SKI: variants seen among roughly 807,000 people sequenced by gnomAD.
SKI encodes the protein ski oncogene.
Under a neutral mutation model 59.3 loss-of-function variants are expected in SKI, and 23 were observed. The ratio of observed to expected loss-of-function variants is 0.39; its 90% CI spans 0.28 to 0.55. The LOEUF is 0.55. Ranked by LOEUF, SKI falls within the 20% of genes least tolerant of loss-of-function variation. The pLI, the probability that SKI is intolerant of heterozygous loss-of-function variation, is 0.67. For missense variants in SKI, 1,017 were observed against 1,038.9 expected, an observed-to-expected ratio of 0.98 and a Z score of 0.29; for synonymous variants, 673 against 488.6, an observed-to-expected ratio of 1.38 and a Z score of -4.98.
intron 1 of SKI, among the ~76,000 whole-genome samples, chr1:2,260,539 T>TTC (rs1270862984): frequency 4.8e-5 from 6 of 124,634 alleles, no homozygotes; most frequent in African/African-American, 1.3e-4. Flanking sequence ...CTTTTTCTTT[T>TTC]TTTTTTTTTT....
chr1:2,308,234 G>A lies in SKI; in HGVS notation c.*1469G>A, dbSNP rs917106987. ...GCAGCTGCACGCGCTCACAGAAGGTGGAGGTTACTTGCCCAGGTACAGACG... is the reference window on the plus strand; with the variant it reads ...GCAGCTGCACGCGCTCACAGAAGGTAGAGGTTACTTGCCCAGGTACAGACG... On this transcript the variant is annotated 3_prime_UTR_variant, in exon 7 of 7. Coordinates refer to ENST00000378536, the MANE Select transcript of SKI (RefSeq NM_003036.4). 1 of 152,182 alleles carries A rather than the reference G, an allele frequency of 6.6e-6. No homozygotes were observed. The highest frequency in any genetic ancestry group is 1.5e-5 in the Non-Finnish European group (1 of 68,036). 9.4% of individuals were successfully genotyped at this position (152,182 alleles called of 1,614,324 possible).
intron 5 of SKI, among the ~76,000 whole-genome samples, chr1:2,305,661 G>A (rs1006685770): frequency 6.6e-6 from 1 of 152,178 alleles, no homozygotes; most frequent in Non-Finnish European, 1.5e-5. Context: ...CAGATGGTGC[G>A]ATGTCTGAGG....
intron 1 of SKI, among the ~76,000 whole-genome samples, chr1:2,241,077 A>G (rs1304354809): frequency 6.6e-6 from 1 of 152,222 alleles, no homozygotes; most frequent in African/African-American, 2.4e-5. Flanking sequence ...TGGAAGAGGG[A>G]GCCCAGGATG....
rs985471021 is a variant in SKI at position 2,268,540 on chromosome 1, G to A, written c.970-34438G>A. Among the ~76,000 whole-genome samples, 11 of 152,210 alleles carry A rather than the reference G, an allele frequency of 7.2e-5. No homozygotes were observed. The highest frequency in any genetic ancestry group is 3.8e-4 in the East Asian group (2 of 5,198). On this transcript the variant is annotated intron_variant, in intron 1 of 6. Coordinates refer to ENST00000378536, the MANE Select transcript of SKI (RefSeq NM_003036.4). The surrounding 1 kb of genome is among the most constrained non-coding windows in gnomAD (Gnocchi z 5.0). ...CTGGCCTCCCCAGCGGTGCTGAGCCGTCACTGCAGGGCAGCCATGGCCCAT... is the reference window on the plus strand; with the variant it reads ...CTGGCCTCCCCAGCGGTGCTGAGCCATCACTGCAGGGCAGCCATGGCCCAT...
chr1:2,234,535 C>G (rs560795977), intron 1 of SKI, among the ~76,000 whole-genome samples: 1 of 152,224 alleles, frequency 6.6e-6, no homozygotes, highest in African/African-American at 2.4e-5. Context: ...GAACCCCGCC[C>G]TGGAGTCTCT....
chr1:2,255,798 A>G (rs1462487621), intron 1 of SKI, among the ~76,000 whole-genome samples: 1 of 147,192 alleles, frequency 6.8e-6, no homozygotes, highest in Non-Finnish European at 1.5e-5. Context: ...TCCTGACCTC[A>G]TTTCCTGTTT....
chr1:2,249,761 A>G lies in SKI; in HGVS notation c.969+20026A>G, dbSNP rs1639084177. On this transcript the variant is annotated intron_variant, in intron 1 of 6. Coordinates refer to ENST00000378536, the MANE Select transcript of SKI (RefSeq NM_003036.4). ...TGTCCTGCCTCCTGCTCAACAGGCC[A>G]CAGGTTTTGTTGGATTCGTCAATTA... Among the ~76,000 whole-genome samples, 5 of 152,294 alleles carry G rather than the reference A, an allele frequency of 3.3e-5. No individual in the cohort carries two copies. The South Asian group carries it at 8.3e-4, about 25-fold the overall frequency.
chr1:2,242,083 GGA>G (rs1040265233), intron 1 of SKI, among the ~76,000 whole-genome samples: 1 of 152,236 alleles, frequency 6.6e-6, no homozygotes, highest in African/African-American at 2.4e-5. Context: ...CAGCAGGCCA[GGA>G]GAGAGCGGAG....
intron 1 of SKI, chr1:2,232,702 A>C (rs566308127): frequency 3.3e-5 from 5 of 152,328 alleles, no homozygotes; most frequent in African/African-American, 1.2e-4. Flanking sequence ...TGGGGCTGCT[A>C]TCCTTGACAG....
At position 2,282,522 on chromosome 1, in the gene SKI, A is replaced by T. The variant is rs12057498; in HGVS notation, c.970-20456A>T. The stretch of plus-strand genomic sequence containing the variant: ...AGAGAGGACGCCTGAGAAGACAGGC[A>T]GTGGCGGAGATCTTCAGAAAGAAAG... On this transcript the variant is annotated intron_variant, in intron 1 of 6. Coordinates refer to ENST00000378536, the MANE Select transcript of SKI (RefSeq NM_003036.4). 3.7e-5 allele frequency among the ~76,000 whole-genome samples: 3 copies of T among 81,442 alleles called. 1 individual carries two copies. The highest frequency in any genetic ancestry group is 3.6e-4 in the Admixed American group (3 of 8,262). The allele number at this position is 81,442 out of a possible 152,430, so 53.4% of individuals were successfully genotyped here.
Position 2,240,396 on chromosome 1 carries a change from G to A in SKI, c.969+10661G>A, listed in dbSNP as rs1246334937. 6.6e-6 allele frequency: 5 copies of A among 762,996 alleles called. No individual in the cohort carries two copies. The African/African-American group carries it at 9.4e-5, about 14-fold the overall frequency. The allele number at this position is 762,996 out of a possible 1,614,324, so 47.3% of individuals were successfully genotyped here. Reference sequence around the variant, plus strand: ...ATGTGGGCCAGGCAGGTCTGGCTACGGGCAGGAGTGTGTCTGGGACTCTGA... The same window carrying A: ...ATGTGGGCCAGGCAGGTCTGGCTACAGGCAGGAGTGTGTCTGGGACTCTGA... On this transcript the variant is annotated intron_variant, in intron 1 of 6. Coordinates refer to ENST00000378536, the MANE Select transcript of SKI (RefSeq NM_003036.4).
intron 1 of SKI, among the ~76,000 whole-genome samples, chr1:2,297,424 C>T (rs376413190): frequency 6.6e-6 from 1 of 152,224 alleles, no homozygotes; most frequent in African/African-American, 2.4e-5. Flanking sequence ...CCGCTCACCA[C>T]GCTGTGGGCG....
At chr1:2,291,855 A>G (rs1245231385) in intron 1 of SKI, among the ~76,000 whole-genome samples, 1 of 152,256 alleles carries the variant, frequency 6.6e-6, no homozygotes, top group Non-Finnish European at 1.5e-5. Context: ...TAAGCGAAAG[A>G]AAAATCCGAG....
intron 1 of SKI, among the ~76,000 whole-genome samples, chr1:2,280,628 CG>C (rs1464044550): frequency 1.5e-5 from 2 of 135,474 alleles, no homozygotes; most frequent in Non-Finnish European, 3.2e-5. Context: ...AGACAGGCGG[CG>C]GCGGCGATCT....
chr1:2,231,402 TTCTG>T (rs1182045182), intron 1 of SKI, among the ~76,000 whole-genome samples: 5 of 152,214 alleles, frequency 3.3e-5, no homozygotes, highest in Non-Finnish European at 7.3e-5. Flanking sequence ...CTTGTGGTCT[TTCTG>T]TCTTCCTGGG....
intron 1 of SKI, among the ~76,000 whole-genome samples, chr1:2,271,342 A>G (rs1639614504): frequency 6.6e-6 from 1 of 151,946 alleles, no homozygotes; most frequent in Admixed American, 6.5e-5. Flanking sequence ...TGTCCAGGCC[A>G]GAGAAACCAG....
Position 2,299,617 on chromosome 1 carries a change from C to T in SKI, c.970-3361C>T, listed in dbSNP as rs115800347. 3.2e-3 allele frequency among the ~76,000 whole-genome samples: 489 copies of T among 152,292 alleles called. 2 individuals are homozygous for T. Among genetic ancestry groups the T allele is most frequent in the African/African-American group, 0.011 (457 of 41,566 alleles). ...GGGGTTGAGGTCTTCTGTGTTTGGA[C>T]CCTGTGGGATCTGGCAGGAGAAGCA... On this transcript the variant is annotated intron_variant, in intron 1 of 6. Transcript: ENST00000378536.
chr1:2,305,984 G>A, intron 5 of SKI, 36 bp from the exon 6 acceptor site: 1 of 1,486,620 alleles, frequency 6.7e-7, no homozygotes, highest in South Asian at 1.2e-5. Context: ...GCTGGGACCG[G>A]CTGGGCAGTG....
At chr1:2,284,520 A>G (rs1385482304) in intron 1 of SKI, among the ~76,000 whole-genome samples, 2 of 152,216 alleles carry the variant, frequency 1.3e-5, no homozygotes, top group African/African-American at 4.8e-5. Flanking sequence ...AGCAGGGCAG[A>G]TGCAGCTGAG....
Sources: allele counts gnomAD v4.1 joint callset (sites outside exome capture counted in the v4.1 genomes callset), GRCh38; gene constraint gnomAD v4.1.1; non-coding constraint Gnocchi (gnomAD v3.1); transcripts MANE v1.5; gene names NCBI Gene and HGNC (gene_info 2026-07-23, HGNC 2026-07-21).